The following LIMCH1 variants were observed in gnomAD, a reference collection of about 807,000 sequenced individuals.
LIMCH1 encodes the protein LIM and calponin homology domains-containing protein 1.
In LIMCH1, 113 loss-of-function variants were observed where a neutral mutation model predicts 176.5. The ratio of observed to expected loss-of-function variants is 0.64; its 90% confidence interval spans 0.55 to 0.75. LIMCH1 has a LOEUF of 0.75. Among genes scored for constraint, LIMCH1 ranks in the 30% least tolerant of loss-of-function variants. The pLI is 0.00. For missense variants in LIMCH1, 1,674 were observed against 1,814.9 expected (o/e 0.92, Z 1.41); for synonymous variants, 619 against 645.9 (o/e 0.96, Z 0.63).
chr4:41,376,948 G>A (rs2054857199), intron 1 of LIMCH1, among the ~76,000 whole-genome samples: 1 of 152,140 alleles, frequency 6.6e-6, no homozygotes, highest in African/African-American at 2.4e-5. Flanking sequence ...GGGTGAATTT[G>A]ATGGTATCTG....
chr4:41,507,188 T>A (rs1209803347), intron 2 of LIMCH1, among the ~76,000 whole-genome samples: 1 of 152,198 alleles, frequency 6.6e-6, no homozygotes, highest in African/African-American at 2.4e-5. Flanking sequence ...CATCCCTTTC[T>A]TGTTGGTCCA....
At chr4:41,483,655 G>C (rs528843645) in intron 1 of LIMCH1, among the ~76,000 whole-genome samples, 1 of 152,268 alleles carries the variant, frequency 6.6e-6, no homozygotes, top group East Asian at 1.9e-4. Context: ...CACCTGCCGG[G>C]AACCCTGTGC....
rs770417105 is a variant in LIMCH1, at chr4:41,676,430, A to G, written c.3487A>G (p.Lys1163Glu). Residue 1163 changes from lysine to glutamate, a missense_variant, in exon 23 of 32, where the codon AAA becomes GAA. Lys to Glu is a moderately conservative substitution (Grantham distance 56). Around this residue, in one of 3 missense-constraint regions of LIMCH1, gnomAD observed 1,015 missense variants for 1,102.5 expected, o/e 0.92. Coordinates refer to ENST00000503057, the MANE Select transcript of LIMCH1 (RefSeq NM_001330672.2). ...DPEEERRRQE[K>E]WQQEQERLLQ... The stretch of plus-strand genomic sequence containing the variant: ...AGAAGAGGAGCGCAGGCGACAGGAA[A>G]AATGGCAACAGGAACAGGAACGTTT... 3 of 1,613,938 alleles carry G rather than the reference A, an allele frequency of 1.9e-6. No homozygotes were observed. The highest frequency in any genetic ancestry group is 2.5e-6 in the Non-Finnish European group (3 of 1,179,928).
chr4:41,475,328 T>C (rs996776674), intron 1 of LIMCH1, among the ~76,000 whole-genome samples: 1 of 152,244 alleles, frequency 6.6e-6, no homozygotes, highest in South Asian at 2.1e-4. Context: ...TCAGAAATTA[T>C]AATACAGTTG....
At chr4:41,672,305 G>C (rs1424420820) in intron 22 of LIMCH1, among the ~76,000 whole-genome samples, 1 of 152,132 alleles carries the variant, frequency 6.6e-6, no homozygotes, top group Non-Finnish European at 1.5e-5. Flanking sequence ...AAGAGGAAGA[G>C]GTTGCAGTGA....
At chr4:41,516,827 C>T (rs1217781395) in intron 2 of LIMCH1, among the ~76,000 whole-genome samples, 9 of 152,194 alleles carry the variant, frequency 5.9e-5, no homozygotes, top group Admixed American at 6.5e-5. Context: ...GTTAGCTCTT[C>T]TTCCTTCTGC....
chr4:41,360,050 TG>T (rs2051797604), upstream of LIMCH1, among the ~76,000 whole-genome samples: 1 of 151,380 alleles, frequency 6.6e-6, no homozygotes, highest in South Asian at 2.1e-4. The surrounding 1 kb of genome is among the most constrained non-coding windows in gnomAD (Gnocchi z 4.5). Context: ...TGTGTGTGTG[TG>T]TGTGTGTTTC....
intron 7 of LIMCH1, among the ~76,000 whole-genome samples, chr4:41,624,248 CTG>C (rs1231360982): frequency 2.0e-5 from 3 of 152,234 alleles, no homozygotes; most frequent in Non-Finnish European, 2.9e-5. Context: ...TTCTGCTAGT[CTG>C]TGGATCTTCT....
At chr4:41,689,877 G>GTTGCTA (rs1357157128) in intron 30 of LIMCH1, 10 of 358,044 alleles carry the variant, frequency 2.8e-5, no homozygotes, top group African/African-American at 2.0e-4. Context: ...TGTTGCTAAA[G>GTTGCTA]AACATATACT....
At chr4:41,602,124 C>CAAAAAAAAA (rs540240960) in intron 2 of LIMCH1, among the ~76,000 whole-genome samples, 1 of 73,298 alleles carries the variant, frequency 1.4e-5, no homozygotes, top group African/African-American at 3.1e-5. Flanking sequence ...TTGAGTAGAC[C>CAAAAAAAAA]AAAAAAAAAA....
chr4:41,410,249 T>A (rs1044525083), intron 1 of LIMCH1, among the ~76,000 whole-genome samples: 1 of 152,172 alleles, frequency 6.6e-6, no homozygotes, highest in East Asian at 1.9e-4. Context: ...TTGATACCTG[T>A]GTACTTTCCC....
At chr4:41,467,178 C>T (rs181317050) in intron 1 of LIMCH1, among the ~76,000 whole-genome samples, 46,348 of 148,254 alleles carry the variant, frequency 0.31, 8,420 homozygotes, top group South Asian at 0.51. Context: ...CACACACACA[C>T]ACACACACAC....
intron 1 of LIMCH1, among the ~76,000 whole-genome samples, chr4:41,597,093 T>C (rs1387373065): frequency 6.6e-6 from 1 of 152,106 alleles, no homozygotes; most frequent in African/African-American, 2.4e-5. Flanking sequence ...AGCCCCCCTG[T>C]GACATTCTGC....
chr4:41,545,569 C>T (rs568113535), intron 1 of LIMCH1, among the ~76,000 whole-genome samples: 6 of 152,284 alleles, frequency 3.9e-5, no homozygotes, highest in Admixed American at 6.5e-5. Context: ...ACCTCGACAA[C>T]GACTTTTACA....
chr4:41,589,811 A>C (rs775764865), intron 1 of LIMCH1, among the ~76,000 whole-genome samples: 4 of 152,120 alleles, frequency 2.6e-5, no homozygotes, highest in Admixed American at 6.5e-5. Context: ...CATATTCTGC[A>C]GGGGCCTTGC....
chr4:41,573,558 G>A (rs1162520775), intron 1 of LIMCH1, among the ~76,000 whole-genome samples: 1 of 152,162 alleles, frequency 6.6e-6, no homozygotes, highest in Non-Finnish European at 1.5e-5. Context: ...CTTCGCAAAT[G>A]CTATTTTGAT....
intron 2 of LIMCH1, among the ~76,000 whole-genome samples, chr4:41,515,060 T>G (rs1037393165): frequency 2.6e-5 from 4 of 152,158 alleles, no homozygotes; most frequent in Non-Finnish European, 5.9e-5. Flanking sequence ...GATTCAGAAT[T>G]CTCATGGCCA....
intron 24 of LIMCH1, among the ~76,000 whole-genome samples, chr4:41,680,657 G>A (rs7675065): frequency 0.6 from 91,712 of 151,968 alleles, 29,218 homozygotes; most frequent in African/African-American, 0.81. Context: ...TTTATATTCA[G>A]CAATACTTTT....
chr4:41,533,507 T>C (rs2077548619), upstream of LIMCH1, among the ~76,000 whole-genome samples: 1 of 152,224 alleles, frequency 6.6e-6, no homozygotes, highest in Admixed American at 6.5e-5. Context: ...TTGGTTAACC[T>C]TTCTTGCATG....
Sources: allele counts gnomAD v4.1 joint callset (sites outside exome capture counted in the v4.1 genomes callset), GRCh38; gene constraint gnomAD v4.1.1; regional missense constraint gnomAD v4.1.1; non-coding constraint Gnocchi (gnomAD v3.1); transcripts MANE v1.5; gene names NCBI Gene and HGNC (gene_info 2026-07-23, HGNC 2026-07-21).